Variants in SHANK1 observed in about 807,000 individuals in gnomAD.
SHANK1 encodes SH3 and multiple ankyrin repeat domains protein 1.
A neutral mutation model predicts 165.6 loss-of-function variants in SHANK1; 35 were observed. The observed-to-expected ratio is 0.21, with a 90% CI of 0.16 to 0.28. The LOEUF is 0.28. SHANK1 is among the 10% of genes least tolerant of loss of function. The pLI, the probability that SHANK1 is intolerant of heterozygous loss-of-function variation, is 1.00. For missense variants in SHANK1, 2,681 were observed against 3,036.4 expected, an observed-to-expected ratio of 0.88 and a Z score of 2.75; for synonymous variants, 1,428 against 1,384.8, an observed-to-expected ratio of 1.03 and a Z score of -0.69.
rs2089031976 is a variant in SHANK1, at chr19:50,713,430, G to A, written c.792+368C>T. 4.0e-5 allele frequency among the ~76,000 whole-genome samples: 6 copies of A among 151,846 alleles called. No individual in the cohort carries two copies. In the South Asian group the frequency reaches 1.0e-3, roughly 26 times the overall value. On this transcript the variant is annotated intron_variant, in intron 6 of 23. Coordinates refer to ENST00000293441, the MANE Select transcript of SHANK1 (RefSeq NM_016148.5). The surrounding 1 kb of genome is among the most constrained non-coding windows in gnomAD (Gnocchi z 6.2). ...CTGTTTTCAGGGTGTGTGTGGAGGG[G>A]CTCTATCTGGGGGCATAGCAGGGAG... is the stretch of plus-strand genomic sequence containing the variant.
chr19:50,666,324 T>C lies in SHANK1; in HGVS notation c.5636A>G (p.Gln1879Arg). 2 of 1,613,668 alleles carry C rather than the reference T, an allele frequency of 1.2e-6. No homozygotes were observed. The highest frequency in any genetic ancestry group is 1.7e-6 in the Non-Finnish European group (2 of 1,179,898). ...AGCTGCCGAGGAGCCCCCAAACTGC[T>C]GAAGCTTGGAGCTGAGTTCACTGAT... ...SIISELSSKL[Q>R]QFGGSSAAGG... Residue 1879 changes from glutamine to arginine, a missense_variant, in exon 23 of 24, where the codon CAG (glutamine) becomes CGG (arginine). Transcript: ENST00000293441.
rs557323347 is a variant in SHANK1 at position 50,661,940 on chromosome 19, G to A, written c.*25C>T. 6.2e-6 allele frequency: 10 copies of A among 1,612,270 alleles called. No individual in the cohort carries two copies. Among genetic ancestry groups the A allele is most frequent in the African/African-American group, 2.7e-5 (2 of 75,012 alleles). ...CAGCAGGCTCAAGAGTTCTGTGGAC[G>A]GGGCTGGTCCGTCCAGGCCAGCCAT... On this transcript the variant is annotated 3_prime_UTR_variant, in exon 24 of 24. Coordinates refer to ENST00000293441, the MANE Select transcript of SHANK1 (RefSeq NM_016148.5).
chr19:50,711,899 G>A (rs1297970033), intron 7 of SHANK1, 48 bp downstream of exon 7: 2 of 1,607,132 alleles, frequency 1.2e-6, no homozygotes, highest in African/African-American at 1.3e-5. Context: ...GGATGCCTCA[G>A]GGACTGGGTC....
At chr19:50,708,780 CATTTT>C (rs947480545) in intron 8 of SHANK1, among the ~76,000 whole-genome samples, 1 of 152,216 alleles carries the variant, frequency 6.6e-6, no homozygotes, top group Non-Finnish European at 1.5e-5. Flanking sequence ...TTCATTCACT[CATTTT>C]CATTCATTCA....
At chr19:50,708,937 G>A (rs554289465) in intron 8 of SHANK1, among the ~76,000 whole-genome samples, 10 of 152,162 alleles carry the variant, frequency 6.6e-5, no homozygotes, top group Non-Finnish European at 1.3e-4. Context: ...TGCTAGACGG[G>A]CATATCAGGA....
In SHANK1 at chr19:50,716,308, G is replaced by A; in HGVS notation, c.426C>T (p.Pro142=). 1 of 1,614,148 alleles carries A rather than the reference G, an allele frequency of 6.2e-7. No homozygotes were observed. The highest frequency in any genetic ancestry group is 1.7e-5 in the Admixed American group (1 of 60,024). ...AGGGGACCCCCTTCTCAAAGGACTG[G>A]GGGTACTCCCGCAGCAGCCTCTCCT... ...LEEERLLREY[P]QSFEKGVPYL... Residue 142 remains proline, a synonymous_variant, in exon 3 of 24, where the codon CCC becomes CCT. Coordinates refer to ENST00000293441, the MANE Select transcript of SHANK1 (RefSeq NM_016148.5). The surrounding 1 kb of genome is among the most constrained non-coding windows in gnomAD (Gnocchi z 8.4).
intron 12 of SHANK1, among the ~76,000 whole-genome samples, chr19:50,700,416 A>G (rs926877329): frequency 1.8e-4 from 27 of 151,132 alleles, no homozygotes; most frequent in African/African-American, 6.3e-4. Context: ...GGGGCATTGG[A>G]GAATTGGAGG....
In SHANK1 at chr19:50,702,590, C is replaced by A; in HGVS notation, c.1624G>T (p.Gly542Cys). 6.2e-7 allele frequency: 1 copy of A among 1,605,524 alleles called. No individual in the cohort carries two copies. Among genetic ancestry groups the A allele is most frequent in the African/African-American group, 1.3e-5 (1 of 74,870 alleles). Residue 542 changes from glycine (G) to cysteine (C), a missense_variant, in exon 12 of 24, where the codon GGC becomes TGC. By Grantham distance (159) the Gly-to-Cys change is radical (BLOSUM62 -3). This residue lies in a region of SHANK1 where 195 missense variants were observed against 186.2 expected (regional missense o/e 1.05). Transcript: ENST00000293441. The surrounding 1 kb of genome is among the most constrained non-coding windows in gnomAD (Gnocchi z 5.3). ...AGCTTCCTCCGCCTCCCGCGGCTGC[C>A]CAGGGAGCCCCCGGGGCCCCCTGAG... Reference protein sequence around the residue: ...GGSGGPGGSLGSRGRRRKLYS... With the variant: ...GGSGGPGGSLCSRGRRRKLYS...
At chr19:50,708,473 C>G (rs1018039774) in intron 8 of SHANK1, among the ~76,000 whole-genome samples, 3 of 152,144 alleles carry the variant, frequency 2.0e-5, no homozygotes, top group African/African-American at 7.2e-5. Flanking sequence ...CCTCACCAGA[C>G]TGTGAACTCC....
At position 50,669,120 on chromosome 19, in the gene SHANK1, G is replaced by C; in HGVS notation, c.2840C>G (p.Pro947Arg). 1 of 1,517,264 alleles carries C rather than the reference G, an allele frequency of 6.6e-7. No individual in the cohort carries two copies. The highest frequency in any genetic ancestry group is 8.8e-7 in the Non-Finnish European group (1 of 1,130,930). 94.0% of individuals were successfully genotyped at this position (1,517,264 alleles called of 1,614,324 possible). A position where few individuals can be genotyped will look rare whatever the true frequency, so the allele number is the denominator to read the frequency against. The change falls in exon 23 of 24, where the codon CCC becomes CGC. Residue 947 changes from proline to arginine, a missense_variant. Pro to Arg is a moderately radical substitution (Grantham distance 103). Around this residue, in one of 10 missense-constraint regions of SHANK1, gnomAD observed 1,713 missense variants for 1,630.2 expected, o/e 1.05. Transcript: ENST00000293441. ...PVPSSSGRLT[P>R]SPRGGPFNPG... is the part of the protein sequence containing the mutation. ...GTTGAAGGGCCCTCCCCGAGGGGAG[G>C]GGGTGAGGCGCCCTGAGGAGGAGGG... is the stretch of plus-strand genomic sequence containing the variant.
At chr19:50,677,612 A>T (rs1986022274) in intron 21 of SHANK1, among the ~76,000 whole-genome samples, 1 of 152,232 alleles carries the variant, frequency 6.6e-6, no homozygotes, top group South Asian at 2.1e-4. Context: ...GCCCAGCAGC[A>T]GGTCCAGGAT....
rs752742578 is a variant in SHANK1, at chr19:50,662,534, C to T, written c.5917G>A (p.Ala1973Thr). Reference sequence around the variant, plus strand: ...CGGGTGGACGTGGAGGAGGAGGAGGCTGAGGGTGAGGTGGCCCCTGGGGCC... The same window carrying T: ...CGGGTGGACGTGGAGGAGGAGGAGGTTGAGGGTGAGGTGGCCCCTGGGGCC... ...AAAPGATSPSASSSSTSTRHL... is the reference protein window; with the variant it reads ...AAAPGATSPSTSSSSTSTRHL... Residue 1973 changes from alanine to threonine, a missense_variant, in exon 24 of 24, where the codon GCC becomes ACC. By Grantham distance (58) the Ala-to-Thr change is moderately conservative. Coordinates refer to ENST00000293441, the MANE Select transcript of SHANK1 (RefSeq NM_016148.5). This position sits in a 1 kb window ranked among gnomAD's most constrained non-coding sequence, Gnocchi z 7.7. The T allele has an allele frequency of 1.2e-5, 19 of 1,559,858 alleles. No homozygotes were observed. The South Asian group carries it at 1.9e-4, about 15-fold the overall frequency.
In SHANK1 at chr19:50,662,947, A is replaced by G; in HGVS notation, c.5769-265T>C. 2.0e-6 allele frequency: 1 copy of G among 494,134 alleles called. No individual in the cohort carries two copies. The highest frequency in any genetic ancestry group is 2.4e-5 in the South Asian group (1 of 40,902). The allele number at this position is 494,134 out of a possible 1,614,324, so 30.6% of individuals were successfully genotyped here. ...ATGAAAGAAAAAGAGACATTAAGTG[A>G]TAATAATAATAATCGTCACCGCTTA... On this transcript the variant is annotated intron_variant, in intron 23 of 23. Coordinates refer to ENST00000293441, the MANE Select transcript of SHANK1 (RefSeq NM_016148.5). The surrounding 1 kb of genome is among the most constrained non-coding windows in gnomAD (Gnocchi z 7.7).
At chr19:50,669,317 C>T (rs1316988085) in intron 22 of SHANK1, 32 bp from the exon 23 acceptor site, 2 of 1,487,884 alleles carry the variant, frequency 1.3e-6, no homozygotes, top group Non-Finnish European at 1.9e-6. Flanking sequence ...AGGAGGGGGA[C>T]CCTGGCGGGG....
At chr19:50,674,095 A>ATT (rs35496340) in intron 21 of SHANK1, among the ~76,000 whole-genome samples, 212 of 143,794 alleles carry the variant, frequency 1.5e-3, no homozygotes, top group Admixed American at 2.2e-3. Context: ...GTGTTGGCCT[A>ATT]TTTTTTTTTT....
intron 23 of SHANK1, among the ~76,000 whole-genome samples, chr19:50,665,902 A>G (rs568383974): frequency 1.4e-4 from 19 of 135,648 alleles, no homozygotes; most frequent in Admixed American, 8.5e-4. Flanking sequence ...GTGTGGTGGC[A>G]TGGGAGGCTG....
intron 23 of SHANK1, chr19:50,663,046 C>A: frequency 3.3e-6 from 1 of 303,752 alleles, no homozygotes; most frequent in Non-Finnish European, 6.2e-6. Flanking sequence ...CCCACGACAG[C>A]CCTGATGCAG....
intron 15 of SHANK1, among the ~76,000 whole-genome samples, chr19:50,695,652 C>T (rs1465391505): frequency 6.6e-6 from 1 of 151,974 alleles, no homozygotes; most frequent in Non-Finnish European, 1.5e-5. Context: ...AGCCCCGCTT[C>T]CCCGGCAGGG....
At chr19:50,687,346 A>C (rs963743202) in intron 19 of SHANK1, among the ~76,000 whole-genome samples, 3 of 152,062 alleles carry the variant, frequency 2.0e-5, no homozygotes, top group African/African-American at 4.8e-5. Context: ...GGGTACATAC[A>C]GACCCTGAGA....
Sources: gnomAD v4.1 joint callset for allele counts (sites outside exome capture counted in the v4.1 genomes callset) on GRCh38, gnomAD v4.1.1 for gene constraint, gnomAD v4.1.1 regional missense constraint, Gnocchi (gnomAD v3.1) non-coding constraint, MANE v1.5 for transcripts, NCBI Gene and HGNC (gene_info 2026-07-23, HGNC 2026-07-21) for gene names.